Variants in PSMB3 observed in about 807,000 individuals in gnomAD.
PSMB3 encodes proteasome subunit beta type-3.
A neutral mutation model predicts 23.3 loss-of-function variants in PSMB3; 5 were observed. That is an observed-to-expected ratio of 0.21 (90% confidence interval 0.11 to 0.45). The LOEUF is 0.45. Among genes scored for constraint, PSMB3 ranks in the 20% least tolerant of loss-of-function variants. The probability of loss-of-function intolerance (pLI) is 0.99; values close to 1 mark genes in which losing one functional copy is unlikely to be tolerated. For synonymous variants in PSMB3, 85 were observed against 99.8 expected (o/e 0.85, Z 0.88); for missense variants, 192 against 277.9 (o/e 0.69, Z 2.20).
intron 2 of PSMB3, 51 bp from the exon 3 acceptor site, chr17:38,755,832 A>G: frequency 6.8e-7 from 1 of 1,467,976 alleles, no homozygotes; most frequent in Non-Finnish European, 9.5e-7. Flanking sequence ...CAGGGTAGAC[A>G]CTCAGGAATA....
intron 3 of PSMB3, among the ~76,000 whole-genome samples, chr17:38,757,854 T>C (rs1197094371): frequency 6.6e-6 from 1 of 151,930 alleles, no homozygotes; most frequent in Non-Finnish European, 1.5e-5. Context: ...CAAGGTTTCA[T>C]CATGTTGGCC....
At chr17:38,757,296 A>C (rs1384981820) in intron 3 of PSMB3, among the ~76,000 whole-genome samples, 1 of 151,570 alleles carries the variant, frequency 6.6e-6, no homozygotes, top group Admixed American at 6.6e-5. Flanking sequence ...AGGAAGGTGG[A>C]TCACTTGAGG....
At chr17:38,761,208 C>T (rs977588941) in intron 4 of PSMB3, among the ~76,000 whole-genome samples, 2 of 151,956 alleles carry the variant, frequency 1.3e-5, no homozygotes, top group African/African-American at 4.8e-5. Context: ...TTAAATTAGC[C>T]GGGCATGGTG....
At position 38,760,445 on chromosome 17, in the gene PSMB3, A is replaced by G. The variant is rs1908386975; in HGVS notation, c.311A>G (p.Tyr104Cys). The change falls in exon 4 of 6, where the codon TAC becomes TGC. Residue 104 changes from tyrosine (Y) to cysteine (C), a missense_variant. Tyr to Cys is a radical substitution (Grantham distance 194, BLOSUM62 -2). Coordinates refer to ENST00000619426, the MANE Select transcript of PSMB3 (RefSeq NM_002795.4). ...LLYEKRFGPY[Y>C]TEPVIAGLDP... is the part of the protein sequence containing the mutation. ...GGCCCCCACAGGTTTGGCCCTTACT[A>G]CACTGAGCCAGTCATTGCCGGGTTG... is the stretch of plus-strand genomic sequence containing the variant. The G allele has an allele frequency of 1.2e-6, 2 of 1,614,162 alleles. No homozygotes were observed. The highest frequency in any genetic ancestry group is 1.7e-6 in the Non-Finnish European group (2 of 1,180,006).
intron 3 of PSMB3, among the ~76,000 whole-genome samples, chr17:38,757,867 G>T (rs1337716431): frequency 6.6e-6 from 1 of 151,990 alleles, no homozygotes; most frequent in African/African-American, 2.4e-5. Context: ...TGTTGGCCAG[G>T]CTGGTCTCAA....
rs746045089 is a variant in PSMB3, at chr17:38,764,187, T to C, written c.*20T>C. 2 of 1,607,010 alleles carry C rather than the reference T, an allele frequency of 1.2e-6. No homozygotes were observed. Among genetic ancestry groups the C allele is most frequent in the South Asian group, 2.2e-5 (2 of 90,176 alleles). On this transcript the variant is annotated 3_prime_UTR_variant, in exon 6 of 6. Transcript: ENST00000619426. Reference sequence around the variant, plus strand: ...GACTAACCCTGTTCCCAGAGCCCACTTTTTTTTCTTTTTTTGAAATAAAAT... The same window carrying C: ...GACTAACCCTGTTCCCAGAGCCCACCTTTTTTTCTTTTTTTGAAATAAAAT...
intron 3 of PSMB3, among the ~76,000 whole-genome samples, chr17:38,757,967 G>A (rs1478268751): frequency 6.6e-6 from 1 of 151,986 alleles, no homozygotes; most frequent in African/African-American, 2.4e-5. Flanking sequence ...GAAAAAAAAA[G>A]TTAATAATAT....
intron 1 of PSMB3, 35 bp from the exon 2 acceptor site, chr17:38,753,115 C>G: frequency 6.4e-7 from 1 of 1,571,456 alleles, no homozygotes; most frequent in Non-Finnish European, 8.6e-7. Context: ...AGCGTTTGAC[C>G]CCCCGCGCTG....
intron 3 of PSMB3, among the ~76,000 whole-genome samples, chr17:38,757,133 C>T (rs1029006261): frequency 2.0e-5 from 3 of 150,184 alleles, no homozygotes; most frequent in South Asian, 2.1e-4. Flanking sequence ...CTACTGCCTC[C>T]GCTTCTCAAA....
At position 38,764,193 on chromosome 17, in the gene PSMB3, TTC is replaced by T. The variant is rs774507174; in HGVS notation, c.*28_*29del. On this transcript the variant is annotated 3_prime_UTR_variant, in exon 6 of 6. Transcript: ENST00000619426. ...CCCTGTTCCCAGAGCCCACTTTTTT[TTC>T]TTTTTTTGAAATAAAATAGCCTGTC... is the stretch of plus-strand genomic sequence containing the variant. 6.2e-7 allele frequency: 1 copy of T among 1,609,026 alleles called. No individual in the cohort carries two copies. The highest frequency in any genetic ancestry group is 8.5e-7 in the Non-Finnish European group (1 of 1,177,388).
At chr17:38,758,590 C>G (rs1342641658) in intron 3 of PSMB3, among the ~76,000 whole-genome samples, 1 of 152,176 alleles carries the variant, frequency 6.6e-6, no homozygotes, top group Non-Finnish European at 1.5e-5. Context: ...AGTCCTCCAG[C>G]CTTGGCCTCC....
Position 38,764,102 on chromosome 17 carries a change from A to AT in PSMB3, c.570-13dup, listed in dbSNP as rs1295203303. 5.6e-6 allele frequency: 9 copies of AT among 1,613,768 alleles called. No homozygotes were observed. The highest frequency in any genetic ancestry group is 5.3e-5 in the African/African-American group (4 of 74,838). The stretch of plus-strand genomic sequence containing the variant: ...AGATGGGTAGAGATGTTTTCTTGTG[A>AT]TTTTCTCCCTCTGCAGCGAGAAGGA... On this transcript the variant is annotated splice_polypyrimidine_tract_variant and intron_variant, in intron 5 of 5. Coordinates refer to ENST00000619426, the MANE Select transcript of PSMB3 (RefSeq NM_002795.4).
chr17:38,753,309 G>A lies in PSMB3; in HGVS notation c.163G>A (p.Gly55Arg). ...TGACCGGCTGTACATCGGTCTGGCC[G>A]GGCTCGCCACTGACGTCCAGACAGT... ...MGDRLYIGLA[G>R]LATDVQTVAQ... The change falls in exon 2 of 6, where the codon GGG (glycine) becomes AGG (arginine). Residue 55 changes from glycine (G) to arginine (R), a missense_variant. Coordinates refer to ENST00000619426, the MANE Select transcript of PSMB3 (RefSeq NM_002795.4). 6.2e-7 allele frequency: 1 copy of A among 1,613,966 alleles called. No homozygotes were observed. Among genetic ancestry groups the A allele is most frequent in the Non-Finnish European group, 8.5e-7 (1 of 1,179,974 alleles).
At chr17:38,755,658 AAATATAT>A (rs1385040433) in intron 2 of PSMB3, among the ~76,000 whole-genome samples, 1,976 of 106,022 alleles carry the variant, frequency 0.019, 59 homozygotes, top group Middle Eastern at 0.038. Flanking sequence ...AAAAAAAAAA[AAATATAT>A]ATATATATAT....
At chr17:38,760,975 T>C (rs1908408858) in intron 4 of PSMB3, among the ~76,000 whole-genome samples, 1 of 152,192 alleles carries the variant, frequency 6.6e-6, no homozygotes, top group Non-Finnish European at 1.5e-5. Flanking sequence ...ACCTTAGTTA[T>C]TGTTCTTGGA....
At position 38,755,873 on chromosome 17, in the gene PSMB3, C is replaced by T. The variant is rs1908175308; in HGVS notation, c.189-10C>T. On this transcript the variant is annotated splice_polypyrimidine_tract_variant and intron_variant, in intron 2 of 5. Transcript: ENST00000619426. ...TAATGACTTACTAACTCACTTTTCTCCTACCTCAGTGCCCAGCGCCTCAAG... is the reference window on the plus strand; with the variant it reads ...TAATGACTTACTAACTCACTTTTCTTCTACCTCAGTGCCCAGCGCCTCAAG... 1.9e-6 allele frequency: 3 copies of T among 1,611,972 alleles called. No individual in the cohort carries two copies. The highest frequency in any genetic ancestry group is 1.7e-6 in the Non-Finnish European group (2 of 1,178,314).
At chr17:38,756,285 CTATT>C (rs1429226693) in intron 3 of PSMB3, among the ~76,000 whole-genome samples, 1 of 152,184 alleles carries the variant, frequency 6.6e-6, no homozygotes, top group Non-Finnish European at 1.5e-5. Flanking sequence ...TGCCCTAGAG[CTATT>C]CTGTCAGCAC....
chr17:38,753,070 G>T (rs1442132207), intron 1 of PSMB3, 80 bp from the exon 2 acceptor site: 3 of 1,432,250 alleles, frequency 2.1e-6, no homozygotes, highest in South Asian at 1.3e-5. Flanking sequence ...GCGTACAGGA[G>T]CCTCCGCATC....
chr17:38,762,340 AAG>A (rs1908477648), intron 4 of PSMB3, 69 bp from the exon 5 acceptor site: 6 of 1,303,396 alleles, frequency 4.6e-6, no homozygotes, highest in Admixed American at 1.8e-5. Flanking sequence ...GCCTAGAAAA[AAG>A]AGAGTTAAGG....
Sources: gnomAD v4.1 joint callset for allele counts (sites outside exome capture counted in the v4.1 genomes callset) on GRCh38, gnomAD v4.1.1 for gene constraint, MANE v1.5 for transcripts, NCBI Gene and HGNC (gene_info 2026-07-23, HGNC 2026-07-21) for gene names.